The following ANKK1 variants were observed in gnomAD, a reference collection of about 807,000 sequenced individuals.
The protein encoded by ANKK1 is ankyrin repeat and protein kinase domain-containing protein 1.
ANKK1 carries 37 observed loss-of-function variants against 37.6 expected under a neutral mutation model. The ratio of observed to expected loss-of-function variants is 0.98; its 90% confidence interval spans 0.76 to 1.29. The LOEUF is 1.29. Ranked by LOEUF, ANKK1 falls within the 50% of genes most tolerant of loss-of-function variation. The pLI is 0.00. For missense variants in ANKK1, 1,019 were observed against 990.6 expected (o/e 1.03, Z -0.39); for synonymous variants, 415 against 418.7 (o/e 0.99, Z 0.11).
At chr11:113,395,233 A>T in intron 3 of ANKK1, 126 bp from the exon 4 acceptor site, 1 of 1,493,498 alleles carries the variant, frequency 6.7e-7, no homozygotes, top group Non-Finnish European at 9.1e-7. Context: ...AGGGCTGGGG[A>T]GTACTTTGGC....
At chr11:113,397,735 GT>G (rs1007389271) in intron 6 of ANKK1, among the ~76,000 whole-genome samples, 89 of 152,232 alleles carry the variant, frequency 5.8e-4, no homozygotes, top group African/African-American at 2.1e-3. Flanking sequence ...CCACCCTGAA[GT>G]TCACATGGCC....
Position 113,393,748 on chromosome 11 carries a change from A to C in ANKK1, c.453A>C (p.Ile151=), listed in dbSNP as rs4938013. 0.67 allele frequency: 1,075,872 copies of C among 1,609,924 alleles called. 361,510 individuals are homozygous for C. The highest frequency in any genetic ancestry group is 0.78 in the African/African-American group (58,277 of 74,946). ...LLHLDLKPGN[I]LLDSNMHVKI... ...ACCTGGACCTCAAGCCGGGCAACAT[A>C]CTCCTGGACAGCAACATGCATGTCA... is the stretch of plus-strand genomic sequence containing the variant. Residue 151 remains isoleucine (I), a synonymous_variant, in exon 2 of 8, where the codon ATA becomes ATC. Transcript: ENST00000303941.
chr11:113,397,392 G>A (rs374405889), intron 6 of ANKK1, 50 bp downstream of exon 6: 37 of 1,483,912 alleles, frequency 2.5e-5, no homozygotes, highest in Middle Eastern at 1.9e-4. Context: ...GCTGGAGCCC[G>A]CTGTGTGGAC....
intron 7 of ANKK1, among the ~76,000 whole-genome samples, chr11:113,398,268 G>A (rs1460636252): frequency 2.0e-5 from 3 of 149,888 alleles, no homozygotes; most frequent in Non-Finnish European, 4.4e-5. Flanking sequence ...GAAAGGTGGA[G>A]CATTGGTTCT....
chr11:113,395,562 T>G (rs1950631284), intron 4 of ANKK1, among the ~76,000 whole-genome samples, 154 bp downstream of exon 4: 1 of 152,198 alleles, frequency 6.6e-6, no homozygotes, highest in South Asian at 2.1e-4. Context: ...CTCACCCTCC[T>G]TCCTTCCTGC....
rs375843671 is a variant in ANKK1, at chr11:113,400,167, T to G, written c.2198T>G (p.Leu733Arg). Reference protein sequence around the residue: ...GVSCTPLQLALRSRKQGIMSF... With the variant: ...GVSCTPLQLARRSRKQGIMSF... ...AGCTGCACACCCCTGCAACTGGCCC[T>G]CCGCAGCCGAAAGCAGGGCATCATG... Residue 733 changes from leucine (L) to arginine (R), a missense_variant, in exon 8 of 8, where the codon CTC becomes CGC. Transcript: ENST00000303941. The G allele has an allele frequency of 6.3e-7, 1 of 1,587,800 alleles. No homozygotes were observed. The highest frequency in any genetic ancestry group is 8.6e-7 in the Non-Finnish European group (1 of 1,167,820).
chr11:113,397,240 A>C lies in ANKK1; in HGVS notation c.855A>C (p.Thr285=). The change falls in exon 6 of 8, where the codon ACA becomes ACC. Residue 285 remains threonine (T), a synonymous_variant. Transcript: ENST00000303941. ...RPCFLDITIE[T]DILLSLLQSR... is the part of the protein sequence containing the mutation. ...ATGGAGCAGACATTACCATCGAGAC[A>C]GACATACTGCTGTCACTGCTGCAGA... The C allele has an allele frequency of 6.2e-7, 1 of 1,609,562 alleles. No homozygotes were observed. Among genetic ancestry groups the C allele is most frequent in the Non-Finnish European group, 8.5e-7 (1 of 1,179,824 alleles).
At chr11:113,393,372 C>T (rs1591259719) in intron 1 of ANKK1, 109 bp from the exon 2 acceptor site, 4 of 1,216,830 alleles carry the variant, frequency 3.3e-6, no homozygotes, top group East Asian at 2.4e-5. Flanking sequence ...GCTCCTGAGG[C>T]TTCTGTGGGT....
At position 113,400,022 on chromosome 11, in the gene ANKK1, G is replaced by A. The variant is rs373202169; in HGVS notation, c.2053G>A (p.Val685Ile). 9 of 1,613,302 alleles carry A rather than the reference G, an allele frequency of 5.6e-6. No individual in the cohort carries two copies. The highest frequency in any genetic ancestry group is 7.6e-6 in the Non-Finnish European group (9 of 1,179,846). The change falls in exon 8 of 8, where the codon GTC (valine) becomes ATC (isoleucine). Residue 685 changes from valine (V) to isoleucine (I), a missense_variant. By Grantham distance (29) the Val-to-Ile change is conservative. Coordinates refer to ENST00000303941, the MANE Select transcript of ANKK1 (RefSeq NM_178510.2). The part of the protein sequence containing the change: ...VINLLEHHAN[V>I]HARNKVGWTP... ...CAACCTCCTAGAACATCACGCAAAT[G>A]TCCACGCCCGCAACAAGGTGGGCTG...
intron 7 of ANKK1, 108 bp downstream of exon 7, chr11:113,398,124 T>C: frequency 3.0e-6 from 4 of 1,322,182 alleles, no homozygotes; most frequent in Non-Finnish European, 4.2e-6. Flanking sequence ...CCCAGGCCTA[T>C]CACACATCCA....
In ANKK1 at chr11:113,393,537, A is replaced by G. The variant is rs1223216138; in HGVS notation, c.242A>G (p.Gln81Arg). The change falls in exon 2 of 8, where the codon CAG becomes CGG. Residue 81 changes from glutamine (Q) to arginine (R), a missense_variant. By Grantham distance (43) the Gln-to-Arg change is conservative. Transcript: ENST00000303941. ...EAAKMKKIKF[Q>R]HIVSIYGVCK... is the part of the protein sequence containing the mutation. ...GCCAAAATGAAGAAGATCAAGTTTC[A>G]GCACATCGTGTCTATCTACGGGGTG... 1.2e-6 allele frequency: 2 copies of G among 1,614,010 alleles called. No individual in the cohort carries two copies. The highest frequency in any genetic ancestry group is 1.7e-6 in the Non-Finnish European group (2 of 1,179,876).
intron 1 of ANKK1, among the ~76,000 whole-genome samples, chr11:113,391,775 T>G (rs547157310): frequency 1.3e-5 from 2 of 151,982 alleles, no homozygotes; most frequent in African/African-American, 4.8e-5. Flanking sequence ...AGAAAGATTA[T>G]AGAGGGAGAA....
At chr11:113,395,263 C>T (rs1410741836) in intron 3 of ANKK1, 96 bp from the exon 4 acceptor site, 6 of 1,534,090 alleles carry the variant, frequency 3.9e-6, no homozygotes, top group Non-Finnish European at 5.4e-6. Flanking sequence ...TTGCCTGGGA[C>T]TGTGTGAACT....
intron 1 of ANKK1, among the ~76,000 whole-genome samples, chr11:113,390,450 G>T (rs1429486456): frequency 6.6e-6 from 1 of 152,146 alleles, no homozygotes; most frequent in African/African-American, 2.4e-5. Context: ...TTAAAACTAG[G>T]GCATCAGGCT....
At position 113,395,382 on chromosome 11, in the gene ANKK1, TACTC is replaced by T. The variant is rs1950629324; in HGVS notation, c.662_665del (p.Thr221ArgfsTer10). On this transcript the variant is annotated frameshift_variant, in exon 4 of 8. Transcript: ENST00000303941. LOFTEE classifies it high-confidence loss of function. The stretch of plus-strand genomic sequence containing the variant: ...AGCTTTGCAATTGTCATCTGGGAGC[TACTC>T]ACTCAGAAGAAACCATACTCAGGTA... 6.2e-7 allele frequency: 1 copy of T among 1,613,780 alleles called. No homozygotes were observed. The highest frequency in any genetic ancestry group is 1.3e-5 in the African/African-American group (1 of 74,904).
chr11:113,390,942 G>A (rs1950582765), intron 1 of ANKK1, among the ~76,000 whole-genome samples: 1 of 152,214 alleles, frequency 6.6e-6, no homozygotes, highest in Non-Finnish European at 1.5e-5. Context: ...AAGAAGGGTT[G>A]AGAAGTCTGA....
At chr11:113,394,337 C>T (rs1025616232) in intron 2 of ANKK1, among the ~76,000 whole-genome samples, 1 of 152,170 alleles carries the variant, frequency 6.6e-6, no homozygotes, top group Non-Finnish European at 1.5e-5. Flanking sequence ...TAGTGAAACA[C>T]TTTCATTAAT....
chr11:113,394,404 A>AG (rs1950619263), intron 2 of ANKK1, among the ~76,000 whole-genome samples: 1 of 152,200 alleles, frequency 6.6e-6, no homozygotes, highest in African/African-American at 2.4e-5. Context: ...GTGTGTTGGC[A>AG]GGGGGTGTCT....
intron 2 of ANKK1, 117 bp from the exon 3 acceptor site, chr11:113,394,812 T>C: frequency 2.1e-6 from 3 of 1,416,034 alleles, no homozygotes; most frequent in Non-Finnish European, 1.9e-6. Context: ...GGGAGTGTCA[T>C]AGAAAACCAC....
Sources: gnomAD v4.1 joint callset for allele counts (sites outside exome capture counted in the v4.1 genomes callset) on GRCh38, gnomAD v4.1.1 for gene constraint, MANE v1.5 for transcripts, NCBI Gene and HGNC (gene_info 2026-07-23, HGNC 2026-07-21) for gene names.